CFAP57: variants seen among roughly 807,000 people sequenced by gnomAD.
CFAP57 encodes cilia and flagella associated protein 57, also known as cilia- and flagella-associated protein 57.
A neutral mutation model predicts 146.8 loss-of-function variants in CFAP57; 116 were observed. That is an observed-to-expected ratio of 0.79 (90% CI 0.68 to 0.92). The LOEUF (loss-of-function observed/expected upper bound fraction) is 0.92, where lower values mean the gene tolerates loss of function less well. Ranked by LOEUF, CFAP57 falls within the 40% of genes least tolerant of loss-of-function variation. The pLI is 0.00. For missense variants in CFAP57, 1,377 were observed against 1,527.2 expected, an observed-to-expected ratio of 0.90 and a Z score of 1.64; for synonymous variants, 518 against 552.8, an observed-to-expected ratio of 0.94 and a Z score of 0.88.
At chr1:43,242,488 T>C (rs1486953164) in intron 21 of CFAP57, among the ~76,000 whole-genome samples, 1 of 152,002 alleles carries the variant, frequency 6.6e-6, no homozygotes, top group Non-Finnish European at 1.5e-5. Flanking sequence ...TGGATATTTG[T>C]CAAACACAAA....
intron 22 of CFAP57, among the ~76,000 whole-genome samples, chr1:43,251,676 T>C (rs2124697464): frequency 6.6e-6 from 1 of 152,368 alleles, no homozygotes. Context: ...AAATGAATCA[T>C]TGTATACTAC....
At chr1:43,178,720 A>T (rs1202689461) in intron 2 of CFAP57, among the ~76,000 whole-genome samples, 2 of 152,360 alleles carry the variant, frequency 1.3e-5, no homozygotes, top group Non-Finnish European at 1.5e-5. Flanking sequence ...TGTGGAAGAC[A>T]GTGTGGTGAT....
intron 2 of CFAP57, among the ~76,000 whole-genome samples, chr1:43,176,165 A>G (rs1165051901): frequency 6.6e-6 from 1 of 152,188 alleles, no homozygotes; most frequent in African/African-American, 2.4e-5. Flanking sequence ...GAGTAGAGAC[A>G]GCCTGGGAAG....
intron 12 of CFAP57, 63 bp downstream of exon 12, chr1:43,215,479 G>A: frequency 1.3e-6 from 2 of 1,509,826 alleles, no homozygotes; most frequent in South Asian, 1.3e-5. Context: ...TCAGATGCAG[G>A]TCCAGCACTG....
At chr1:43,234,771 G>C (rs1645622869) in intron 21 of CFAP57, 133 bp downstream of exon 21, 1 of 1,168,296 alleles carries the variant, frequency 8.6e-7, no homozygotes, top group African/African-American at 1.6e-5. Context: ...TCCCCCTAAA[G>C]TCTTATTTTG....
At chr1:43,178,331 T>C (rs1374555308) in intron 2 of CFAP57, among the ~76,000 whole-genome samples, 1 of 152,112 alleles carries the variant, frequency 6.6e-6, no homozygotes, top group Non-Finnish European at 1.5e-5. Context: ...CAAAAGAAAC[T>C]ACCATTAGAG....
chr1:43,174,803 C>A (rs2477562), intron 2 of CFAP57, among the ~76,000 whole-genome samples: 79,766 of 152,022 alleles, frequency 0.52, 23,008 homozygotes, highest in African/African-American at 0.78. Flanking sequence ...GAAACCAAGC[C>A]AGACCCTGTC....
intron 18 of CFAP57, among the ~76,000 whole-genome samples, chr1:43,230,879 T>C (rs61769000): frequency 0.034 from 5,236 of 152,308 alleles, 124 homozygotes; most frequent in Admixed American, 0.045. Flanking sequence ...TACTTCTTAA[T>C]CAGCCTTAGA....
At position 43,215,372 on chromosome 1, in the gene CFAP57, T is replaced by C; in HGVS notation, c.2047T>C (p.Phe683Leu). ...RGIKREREVG[F>L]AEEVLVTKTD... ...AATCAAGCGAGAGAGGGAGGTGGGC[T>C]TTGCCGAAGAGGTGCTTGTGACTAA... The change falls in exon 12 of 23, where the codon TTT (phenylalanine) becomes CTT (leucine). Residue 683 changes from phenylalanine (F) to leucine (L), a missense_variant. Physicochemically the swap from Phe to Leu is conservative, Grantham distance 22. Coordinates refer to ENST00000372492, the MANE Select transcript of CFAP57 (RefSeq NM_001378189.1). 1.9e-6 allele frequency: 3 copies of C among 1,551,064 alleles called. No individual in the cohort carries two copies. The highest frequency in any genetic ancestry group is 2.6e-6 in the Non-Finnish European group (3 of 1,147,088).
chr1:43,182,726 GGACCTCCTGCTCT>G (rs894338463), intron 3 of CFAP57, among the ~76,000 whole-genome samples: 1 of 152,214 alleles, frequency 6.6e-6, no homozygotes, highest in Non-Finnish European at 1.5e-5. Flanking sequence ...GCCTGATGAA[GGACCTCCTGCTCT>G]GACTAGTAGA....
chr1:43,208,911 A>G (rs1181777541), intron 10 of CFAP57, among the ~76,000 whole-genome samples: 1 of 152,250 alleles, frequency 6.6e-6, no homozygotes, highest in Non-Finnish European at 1.5e-5. Flanking sequence ...CCTTACCCAC[A>G]GTTTCAGTTA....
intron 6 of CFAP57, among the ~76,000 whole-genome samples, chr1:43,188,731 T>C (rs1371949027): frequency 6.9e-6 from 1 of 145,680 alleles, no homozygotes; most frequent in African/African-American, 2.7e-5. Context: ...TTTCACTTTT[T>C]TGATGTTGTC....
chr1:43,224,820 G>A (rs1259585933), intron 17 of CFAP57, among the ~76,000 whole-genome samples: 3 of 152,202 alleles, frequency 2.0e-5, no homozygotes, highest in Non-Finnish European at 4.4e-5. Flanking sequence ...CCCAAGGCAG[G>A]TGGAATTCTC....
At chr1:43,235,914 C>T (rs1296757148) in intron 21 of CFAP57, among the ~76,000 whole-genome samples, 1 of 152,170 alleles carries the variant, frequency 6.6e-6, no homozygotes, top group East Asian at 1.9e-4. Context: ...CTCTCCATGC[C>T]AAGCAGCCAA....
intron 19 of CFAP57, among the ~76,000 whole-genome samples, chr1:43,233,576 A>G (rs910791461): frequency 2.0e-5 from 3 of 152,214 alleles, no homozygotes; most frequent in Non-Finnish European, 4.4e-5. Flanking sequence ...CTGCAGAGCT[A>G]TAAACGAGAA....
At chr1:43,234,707 C>G in intron 21 of CFAP57, 69 bp downstream of exon 21, 2 of 1,476,852 alleles carry the variant, frequency 1.4e-6, no homozygotes, top group Non-Finnish European at 1.8e-6. Context: ...CATCAAGGGT[C>G]CCTCTGAGAC....
intron 11 of CFAP57, 109 bp from the exon 12 acceptor site, chr1:43,215,146 T>A: frequency 7.6e-7 from 1 of 1,310,292 alleles, no homozygotes. Flanking sequence ...TACCTCCCTG[T>A]GAGGCTGTGC....
At chr1:43,176,667 G>A (rs577504486) in intron 2 of CFAP57, among the ~76,000 whole-genome samples, 15 of 152,294 alleles carry the variant, frequency 9.8e-5, no homozygotes, top group African/African-American at 3.4e-4. Context: ...TCTAAGAGGG[G>A]AGAGTGACAA....
In CFAP57 at chr1:43,206,865, C is replaced by G. The variant is rs1232987974; in HGVS notation, c.1688C>G (p.Ser563Cys). ...TGCAGCTACAACTGTGTTACTGTCT[C>G]CCCCGATGCCAAAATTATCTTTGCT... Reference protein sequence around the residue: ...KSCSYNCVTVSPDAKIIFAVG... With the variant: ...KSCSYNCVTVCPDAKIIFAVG... The change falls in exon 10 of 23, where the codon TCC (serine) becomes TGC (cysteine). Residue 563 changes from serine to cysteine, a missense_variant. Coordinates refer to ENST00000372492, the MANE Select transcript of CFAP57 (RefSeq NM_001378189.1). 5.0e-6 allele frequency: 8 copies of G among 1,614,128 alleles called. No individual in the cohort carries two copies. Among genetic ancestry groups the G allele is most frequent in the Non-Finnish European group, 6.8e-6 (8 of 1,180,012 alleles).
Sources: allele counts gnomAD v4.1 joint callset (sites outside exome capture counted in the v4.1 genomes callset), GRCh38; gene constraint gnomAD v4.1.1; transcripts MANE v1.5; gene names NCBI Gene and HGNC (gene_info 2026-07-23, HGNC 2026-07-21).